IQSEC1: variants seen among roughly 807,000 people sequenced by gnomAD.
IQSEC1 encodes IQ motif and Sec7 domain ArfGEF 1, also known as IQ motif and SEC7 domain-containing protein 1.
In IQSEC1, 31 loss-of-function variants were observed where a neutral mutation model predicts 91.0. That is an observed-to-expected ratio of 0.34 (90% confidence interval 0.26 to 0.46). IQSEC1 has a LOEUF of 0.46. IQSEC1 is among the 20% of genes least tolerant of loss of function. The probability of loss-of-function intolerance (pLI) is 1.00; values close to 1 mark genes in which losing one functional copy is unlikely to be tolerated. For missense variants in IQSEC1, 1,388 were observed against 1,575.6 expected (o/e 0.88, Z 2.02); for synonymous variants, 699 against 662.6 (o/e 1.05, Z -0.84).
intron 2 of IQSEC1, among the ~76,000 whole-genome samples, chr3:13,146,544 A>G (rs1350111084): frequency 6.6e-6 from 1 of 152,212 alleles, no homozygotes; most frequent in East Asian, 1.9e-4. Flanking sequence ...GCTGGTCAGA[A>G]TAACTCACTC....
chr3:13,115,148 C>G (rs951308474), intron 2 of IQSEC1, among the ~76,000 whole-genome samples: 6 of 152,328 alleles, frequency 3.9e-5, no homozygotes, highest in African/African-American at 1.2e-4. Context: ...AGCTGAGGAG[C>G]GCCATGGCTG....
chr3:13,204,356 G>GAGA (rs1694302077), intron 1 of IQSEC1, among the ~76,000 whole-genome samples: 1 of 152,290 alleles, frequency 6.6e-6, no homozygotes, highest in South Asian at 2.1e-4. Flanking sequence ...CGGAGAAACG[G>GAGA]AGAAGAGTCA....
intron 2 of IQSEC1, among the ~76,000 whole-genome samples, chr3:13,118,255 T>C (rs1706368459): frequency 6.6e-6 from 1 of 152,190 alleles, no homozygotes; most frequent in African/African-American, 2.4e-5. Flanking sequence ...AACTTAAATA[T>C]AATTTAAAAA....
At chr3:13,075,306 C>G (rs1705546028), upstream of IQSEC1, among the ~76,000 whole-genome samples, 1 of 152,220 alleles carries the variant, frequency 6.6e-6, no homozygotes, top group Non-Finnish European at 1.5e-5. Context: ...AATTACCACT[C>G]CTGCTTAGAT....
chr3:12,901,759 G>GC (rs1404518609), intron 13 of IQSEC1, among the ~76,000 whole-genome samples: 1 of 152,108 alleles, frequency 6.6e-6, no homozygotes, highest in Non-Finnish European at 1.5e-5. Flanking sequence ...CAGGGGAGGG[G>GC]CCCATCTCTC....
chr3:12,929,871 C>G (rs1165367037), intron 3 of IQSEC1, among the ~76,000 whole-genome samples: 1 of 152,234 alleles, frequency 6.6e-6, no homozygotes, highest in Non-Finnish European at 1.5e-5. Context: ...GCTGTGTGCT[C>G]CCAGGTCTGG....
intron 3 of IQSEC1, among the ~76,000 whole-genome samples, chr3:12,929,469 C>T (rs1263975511): frequency 6.6e-6 from 1 of 152,182 alleles, no homozygotes; most frequent in East Asian, 1.9e-4. Flanking sequence ...ACAGCCAATG[C>T]AAAAGCCTTG....
intron 1 of IQSEC1, among the ~76,000 whole-genome samples, chr3:12,962,563 G>A (rs1700308036): frequency 1.3e-5 from 2 of 152,216 alleles, no homozygotes; most frequent in African/African-American, 4.8e-5. Flanking sequence ...CCACACACCT[G>A]TGTGTCCTCT....
intron 1 of IQSEC1, among the ~76,000 whole-genome samples, chr3:13,266,707 C>T (rs992142378): frequency 5.3e-5 from 8 of 152,094 alleles, no homozygotes; most frequent in Non-Finnish European, 1.0e-4. Flanking sequence ...CACAGGGAGA[C>T]CCCACATGCT....
chr3:13,224,324 C>T (rs563608950), intron 1 of IQSEC1, among the ~76,000 whole-genome samples: 5 of 152,034 alleles, frequency 3.3e-5, no homozygotes, highest in Non-Finnish European at 5.9e-5. Context: ...TATCAGGCCC[C>T]GAGAGGAAGG....
chr3:13,082,653 A>G (rs149094734), intron 2 of IQSEC1, among the ~76,000 whole-genome samples: 19 of 152,090 alleles, frequency 1.2e-4, no homozygotes, highest in Non-Finnish European at 2.6e-4. Context: ...CTCCCTTCTT[A>G]CTGTTCTAAA....
At chr3:13,180,733 G>T (rs1189454254) in intron 1 of IQSEC1, among the ~76,000 whole-genome samples, 1 of 150,164 alleles carries the variant, frequency 6.7e-6, no homozygotes, top group African/African-American at 2.5e-5. Context: ...CCACCGGGAG[G>T]AACGAACAAC....
chr3:12,922,594 G>A lies in IQSEC1; in HGVS notation c.1731-352C>T, dbSNP rs1472116157. On this transcript the variant is annotated intron_variant, in intron 4 of 13. Coordinates refer to ENST00000613206, the MANE Select transcript of IQSEC1 (RefSeq NM_001134382.3). The surrounding 1 kb of genome is among the most constrained non-coding windows in gnomAD (Gnocchi z 5.1). ...CCAGGCACACAGTGGACGCCACTGT[G>A]AGTCTCCTCTCCTTCTGCACGGGGT... Among the ~76,000 whole-genome samples, 1 of 152,186 alleles carries A rather than the reference G, an allele frequency of 6.6e-6. No individual in the cohort carries two copies. The highest frequency in any genetic ancestry group is 1.5e-5 in the Non-Finnish European group (1 of 68,038).
chr3:13,059,688 C>T (rs1235651331), intron 1 of IQSEC1, among the ~76,000 whole-genome samples: 1 of 152,130 alleles, frequency 6.6e-6, no homozygotes, highest in East Asian at 1.9e-4. Flanking sequence ...GAGTTCAAGG[C>T]TCCAGTGAGC....
intron 1 of IQSEC1, among the ~76,000 whole-genome samples, chr3:13,034,803 C>T (rs1004166301): frequency 1.3e-5 from 2 of 152,252 alleles, no homozygotes; most frequent in South Asian, 4.1e-4. Flanking sequence ...GCTCCTGAAT[C>T]TCACCAGCCC....
intron 2 of IQSEC1, among the ~76,000 whole-genome samples, chr3:13,106,370 TC>T (rs1206087992): frequency 6.6e-6 from 1 of 152,162 alleles, no homozygotes; most frequent in Non-Finnish European, 1.5e-5. Context: ...GGAGTCCCCT[TC>T]TTATTTGGGG....
chr3:12,921,246 C>T (rs532782016), intron 5 of IQSEC1, among the ~76,000 whole-genome samples: 1 of 152,148 alleles, frequency 6.6e-6, no homozygotes, highest in African/African-American at 2.4e-5. Flanking sequence ...GGGACTGAGG[C>T]TCAGGAGCCC....
chr3:12,937,996 C>T (rs562922887), intron 2 of IQSEC1, among the ~76,000 whole-genome samples: 16 of 152,176 alleles, frequency 1.1e-4, no homozygotes, highest in East Asian at 3.9e-4. Context: ...ACAGACCTCC[C>T]GAATTCCTGA....
chr3:13,071,167 G>GTT, intron 1 of IQSEC1, among the ~76,000 whole-genome samples: 1 of 101,882 alleles, frequency 9.8e-6, no homozygotes, highest in East Asian at 3.1e-4. Context: ...TTTTTTTTTT[G>GTT]TTTGTTTCTT....
Sources: allele counts gnomAD v4.1 joint callset (sites outside exome capture counted in the v4.1 genomes callset), GRCh38; gene constraint gnomAD v4.1.1; non-coding constraint Gnocchi (gnomAD v3.1); transcripts MANE v1.5; gene names NCBI Gene and HGNC (gene_info 2026-07-23, HGNC 2026-07-21).